Variants in SEPTIN9 observed in about 807,000 individuals in gnomAD.
The protein encoded by SEPTIN9 is septin-9.
A neutral mutation model predicts 56.6 loss-of-function variants in SEPTIN9; 13 were observed. That is an observed-to-expected ratio of 0.23 (90% CI 0.15 to 0.37). SEPTIN9 has a LOEUF of 0.37. SEPTIN9 is among the 10% of genes least tolerant of loss of function. The probability of loss-of-function intolerance (pLI) is 1.00; values close to 1 mark genes in which losing one functional copy is unlikely to be tolerated. For synonymous variants in SEPTIN9, 332 were observed against 334.1 expected (o/e 0.99, Z 0.07); for missense variants, 650 against 823.1 (o/e 0.79, Z 2.57).
At chr17:77,347,187 G>A (rs2033917635) in intron 2 of SEPTIN9, among the ~76,000 whole-genome samples, 1 of 152,072 alleles carries the variant, frequency 6.6e-6, no homozygotes, top group South Asian at 2.1e-4. Flanking sequence ...AGACCAGCCT[G>A]GACAACATGG....
Position 77,369,843 on chromosome 17 carries a change from C to T in SEPTIN9, c.77-32216C>T, listed in dbSNP as rs2034667852. Among the ~76,000 whole-genome samples the T allele has an allele frequency of 6.6e-6, 1 of 152,226 alleles. No individual in the cohort carries two copies. Among genetic ancestry groups the T allele is most frequent in the Non-Finnish European group, 1.5e-5 (1 of 68,048 alleles). The stretch of plus-strand genomic sequence containing the variant: ...GGGTCATGGATATGGATGTGTGCGC[C>T]AAACGCTGCTTCCTCGTGGATTTCC... On this transcript the variant is annotated intron_variant, in intron 2 of 11. Coordinates refer to ENST00000427177, the MANE Select transcript of SEPTIN9 (RefSeq NM_001113491.2). The surrounding 1 kb of genome is among the most constrained non-coding windows in gnomAD (Gnocchi z 4.9).
rs1236521658 is a variant in SEPTIN9, at chr17:77,393,564, A to C, written c.77-8495A>C. Reference sequence around the variant, plus strand: ...CACCCCTGCCGCGTGCCATGCCTGCACCCAGGGAATCTTATTTTTTATTTA... The same window carrying C: ...CACCCCTGCCGCGTGCCATGCCTGCCCCCAGGGAATCTTATTTTTTATTTA... On this transcript the variant is annotated intron_variant, in intron 2 of 11. Transcript: ENST00000427177. Among the ~76,000 whole-genome samples, 4 of 152,042 alleles carry C rather than the reference A, an allele frequency of 2.6e-5. No individual in the cohort carries two copies. In the East Asian group the frequency reaches 7.7e-4, roughly 29 times the overall value.
intron 4 of SEPTIN9, among the ~76,000 whole-genome samples, chr17:77,484,613 G>A (rs1252126142): frequency 6.0e-5 from 9 of 149,790 alleles, no homozygotes; most frequent in Non-Finnish European, 1.2e-4. Flanking sequence ...GGTGGTGATG[G>A]TGGTGATGGG....
chr17:77,286,943 G>T lies in SEPTIN9; in HGVS notation c.19+5389G>T, dbSNP rs1373391921. The stretch of plus-strand genomic sequence containing the variant: ...GGTTCCTGCGCCTCTGTTTGTTGGA[G>T]CTATTACCTTGGAAACATCCCAGCT... On this transcript the variant is annotated intron_variant, in intron 1 of 11. Transcript: ENST00000427177. Among the ~76,000 whole-genome samples the T allele has an allele frequency of 3.3e-5, 5 of 152,202 alleles. No individual in the cohort carries two copies. The East Asian group carries it at 9.6e-4, about 29-fold the overall frequency.
At chr17:77,328,707 T>C (rs529534737) in intron 2 of SEPTIN9, among the ~76,000 whole-genome samples, 1 of 152,106 alleles carries the variant, frequency 6.6e-6, no homozygotes, top group Non-Finnish European at 1.5e-5. Flanking sequence ...GTGCAGCCCC[T>C]CTCTTAGGTG....
chr17:77,400,657 C>T lies in SEPTIN9; in HGVS notation c.77-1402C>T, dbSNP rs2035868165. On this transcript the variant is annotated intron_variant, in intron 2 of 11. Coordinates refer to ENST00000427177, the MANE Select transcript of SEPTIN9 (RefSeq NM_001113491.2). This position sits in a 1 kb window ranked among gnomAD's most constrained non-coding sequence, Gnocchi z 4.1. Reference sequence around the variant, plus strand: ...TGGGGGCTGGGGACCAGCTGTCATCCCTTTTCCTGTGGGCAGGGGAGGCAG... The same window carrying T: ...TGGGGGCTGGGGACCAGCTGTCATCTCTTTTCCTGTGGGCAGGGGAGGCAG... 1 of 152,404 alleles carries T rather than the reference C, an allele frequency of 6.6e-6. No individual in the cohort carries two copies. The highest frequency in any genetic ancestry group is 1.5e-5 in the Non-Finnish European group (1 of 68,198). The allele number at this position is 152,404 out of a possible 1,614,324, so 9.4% of individuals were successfully genotyped here.
At chr17:77,423,279 G>A (rs1007592165) in intron 3 of SEPTIN9, among the ~76,000 whole-genome samples, 1 of 152,074 alleles carries the variant, frequency 6.6e-6, no homozygotes, top group African/African-American at 2.4e-5. Context: ...CAAGCGATCC[G>A]CCCGCCTCAG....
intron 2 of SEPTIN9, among the ~76,000 whole-genome samples, chr17:77,372,300 G>A (rs1458028869): frequency 6.6e-6 from 1 of 152,156 alleles, no homozygotes; most frequent in Non-Finnish European, 1.5e-5. Context: ...GACCTGGGGG[G>A]CCCTTCTTGA....
chr17:77,430,916 G>A (rs1257702365), intron 3 of SEPTIN9, among the ~76,000 whole-genome samples: 1 of 151,966 alleles, frequency 6.6e-6, no homozygotes, highest in South Asian at 2.1e-4. Context: ...TCTTGAACCC[G>A]GGAGGCAGAG....
At chr17:77,485,786 C>T (rs908489105) in intron 4 of SEPTIN9, among the ~76,000 whole-genome samples, 1 of 152,076 alleles carries the variant, frequency 6.6e-6, no homozygotes, top group African/African-American at 2.4e-5. Flanking sequence ...GGAGCCCACA[C>T]TTTTCCTAGA....
intron 2 of SEPTIN9, chr17:77,375,283 G>C (rs943904241): frequency 1.3e-5 from 2 of 152,298 alleles, no homozygotes; most frequent in Non-Finnish European, 2.9e-5. Flanking sequence ...CTTATGGAGA[G>C]AGGCCCTGTG....
At chr17:77,302,568 C>A (rs781299718) in intron 1 of SEPTIN9, among the ~76,000 whole-genome samples, 2 of 152,124 alleles carry the variant, frequency 1.3e-5, no homozygotes, top group Non-Finnish European at 2.9e-5. Flanking sequence ...ATCCCAGCTA[C>A]GCAGGAGGTT....
chr17:77,463,084 T>C (rs935519942), intron 3 of SEPTIN9, among the ~76,000 whole-genome samples: 1 of 152,194 alleles, frequency 6.6e-6, no homozygotes, highest in Non-Finnish European at 1.5e-5. Context: ...TCAGATCCTC[T>C]GTCTCTGGAG....
chr17:77,438,654 G>T (rs535676025), intron 3 of SEPTIN9, among the ~76,000 whole-genome samples: 1 of 152,220 alleles, frequency 6.6e-6, no homozygotes, highest in Admixed American at 6.5e-5. Context: ...GCAGGAAAAC[G>T]CAGTCTCCCC....
intron 10 of SEPTIN9, 124 bp downstream of exon 10, chr17:77,493,200 C>A (rs540053918): frequency 1.3e-6 from 1 of 752,854 alleles, no homozygotes; most frequent in East Asian, 2.7e-5. Flanking sequence ...TTGCCCCACC[C>A]AGAGGGAGGG....
At chr17:77,395,127 C>T (rs867688840) in intron 2 of SEPTIN9, among the ~76,000 whole-genome samples, 1 of 151,806 alleles carries the variant, frequency 6.6e-6, no homozygotes, top group Non-Finnish European at 1.5e-5. Context: ...TTTGCCCAGG[C>T]TGGTCTCGGA....
intron 2 of SEPTIN9, among the ~76,000 whole-genome samples, chr17:77,339,862 G>C (rs1440414411): frequency 6.6e-6 from 1 of 151,414 alleles, no homozygotes; most frequent in Non-Finnish European, 1.5e-5. Flanking sequence ...GTCTCGCTTT[G>C]TTGCCTAGAC....
In SEPTIN9 at chr17:77,307,216, T is replaced by C. The variant is rs4789439; in HGVS notation, c.76+19T>C. 0.86 allele frequency: 1,392,694 copies of C among 1,610,688 alleles called. 603,506 individuals carry two copies. Among genetic ancestry groups the C allele is most frequent in the East Asian group, 0.98 (44,134 of 44,880 alleles). ...GGCCCAGGTAGGTGGCTCGCTCCGC[T>C]CTGGCCCCACCCAGCTCATGGGTGT... On this transcript the variant is annotated intron_variant, in intron 2 of 11. Coordinates refer to ENST00000427177, the MANE Select transcript of SEPTIN9 (RefSeq NM_001113491.2).
Position 77,319,986 on chromosome 17 carries a change from A to AC in SEPTIN9, c.76+12792dup. 1 of 1,232,778 alleles carries AC rather than the reference A, an allele frequency of 8.1e-7. No individual in the cohort carries two copies. Among genetic ancestry groups the AC allele is most frequent in the African/African-American group, 1.5e-5 (1 of 65,506 alleles). The allele number at this position is 1,232,778 out of a possible 1,614,324, so 76.4% of individuals were successfully genotyped here. A position where few individuals can be genotyped will look rare whatever the true frequency, so the allele number is the denominator to read the frequency against. On this transcript the variant is annotated intron_variant, in intron 2 of 11. Transcript: ENST00000427177. This position sits in a 1 kb window ranked among gnomAD's most constrained non-coding sequence, Gnocchi z 5.3. ...GGGACTCTGGGACTCTCGCAGGCAGACCCGGTGGTCTGCCGGACTCCTCGG... is the reference window on the plus strand; with the variant it reads ...GGGACTCTGGGACTCTCGCAGGCAGACCCCGGTGGTCTGCCGGACTCCTCGG...
Sources: gnomAD v4.1 joint callset for allele counts (sites outside exome capture counted in the v4.1 genomes callset) on GRCh38, gnomAD v4.1.1 for gene constraint, Gnocchi (gnomAD v3.1) non-coding constraint, MANE v1.5 for transcripts, NCBI Gene and HGNC (gene_info 2026-07-23, HGNC 2026-07-21) for gene names.